The following NAGPA variants were observed in gnomAD, a reference collection of about 807,000 sequenced individuals.
NAGPA encodes alpha-N-acetylglucosaminyl phosphodiesterase.
NAGPA carries 56 observed loss-of-function variants against 48.5 expected under a neutral mutation model. The ratio of observed to expected loss-of-function variants is 1.15; its 90% CI spans 0.93 to 1.44. The LOEUF is 1.44. NAGPA is among the 40% of genes most tolerant of loss of function. NAGPA has a pLI of 0.00. For missense variants in NAGPA, 888 were observed against 735.0 expected (o/e 1.21, Z -2.41); for synonymous variants, 399 against 315.5 (o/e 1.26, Z -2.81).
intron 3 of NAGPA, chr16:5,030,795 C>T (rs998179682): frequency 1.3e-5 from 6 of 475,812 alleles, no homozygotes; most frequent in African/African-American, 9.8e-5. Context: ...CTCCTCCTGC[C>T]TCAGCTCCTG....
intron 4 of NAGPA, chr16:5,029,839 A>T (rs1956069381): frequency 6.1e-6 from 1 of 164,110 alleles, no homozygotes; most frequent in African/African-American, 2.4e-5. Flanking sequence ...TGGGAGGATC[A>T]CCTGAACCTG....
At position 5,031,752 on chromosome 16, in the gene NAGPA, C is replaced by T; in HGVS notation, c.675G>A (p.Gln225=). The T allele has an allele frequency of 1.2e-6, 2 of 1,614,118 alleles. No individual in the cohort carries two copies. The highest frequency in any genetic ancestry group is 1.7e-6 in the Non-Finnish European group (2 of 1,179,982). ...ESQATECDET[Q]ETGSFSKFVN... Reference sequence around the variant, plus strand: ...ACAGCCTCCCCATCCAACCTGTCTCCTGTGTCTCGTCACACTCTGTGGCTT... The same window carrying T: ...ACAGCCTCCCCATCCAACCTGTCTCTTGTGTCTCGTCACACTCTGTGGCTT... Residue 225 remains glutamine (Q), a synonymous_variant, in exon 3 of 10, where the codon CAG becomes CAA. Coordinates refer to ENST00000312251, the MANE Select transcript of NAGPA (RefSeq NM_016256.4).
At position 5,033,379 on chromosome 16, in the gene NAGPA, C is replaced by T. The variant is rs998668179; in HGVS notation, c.436G>A (p.Gly146Ser). 3.1e-6 allele frequency: 5 copies of T among 1,597,530 alleles called. No individual in the cohort carries two copies. In the South Asian group the frequency reaches 4.4e-5, roughly 14 times the overall value. ...CTCACCACGTTCCCCAGGCACTCGCCCGAGTTCATGCGGAAGAAGCCGCCG... is the reference window on the plus strand; with the variant it reads ...CTCACCACGTTCCCCAGGCACTCGCTCGAGTTCATGCGGAAGAAGCCGCCG... The part of the protein sequence containing the change: ...QNGGFFRMNS[G>S]ECLGNVVSDE... Residue 146 changes from glycine to serine, a missense_variant, in exon 2 of 10, where the codon GGC becomes AGC. Coordinates refer to ENST00000312251, the MANE Select transcript of NAGPA (RefSeq NM_016256.4). This position sits in a 1 kb window ranked among gnomAD's most constrained non-coding sequence, Gnocchi z 4.2.
In NAGPA at chr16:5,027,884, C is replaced by A; in HGVS notation, c.1136G>T (p.Arg379Leu). ...QHGLCTETGC[R>L]CDAGWTGSNC... ...GGACCCGGTCCATCCGGCATCACAG[C>A]GGCAGCCGGCTGCCGAGACAAGACC... The change falls in exon 7 of 10, where the codon CGC (arginine) becomes CTC (leucine). Residue 379 changes from arginine to leucine, a missense_variant. Physicochemically the swap from Arg to Leu is moderately radical, Grantham distance 102 (BLOSUM62 -2). Transcript: ENST00000312251. The A allele has an allele frequency of 6.3e-7, 1 of 1,586,540 alleles. No homozygotes were observed. The highest frequency in any genetic ancestry group is 8.6e-7 in the Non-Finnish European group (1 of 1,166,858).
chr16:5,033,276 G>T lies in NAGPA; in HGVS notation c.539C>A (p.Thr180Asn). 6.3e-7 allele frequency: 1 copy of T among 1,592,516 alleles called. No individual in the cohort carries two copies. The highest frequency in any genetic ancestry group is 8.5e-7 in the Non-Finnish European group (1 of 1,177,664). The change falls in exon 2 of 10, where the codon ACC becomes AAC. Residue 180 changes from threonine (T) to asparagine (N), a missense_variant. Thr to Asn is a moderately conservative substitution (Grantham distance 65). Transcript: ENST00000312251. This position sits in a 1 kb window ranked among gnomAD's most constrained non-coding sequence, Gnocchi z 4.2. ...ACGGGGCTCCCTGCCTCCTCACCCG[G>T]TGACCAGGGTCCCGTCGCGGCGGAT... Reference protein sequence around the residue: ...FGIRRDGTLVTGYLSEEEVLD... With the variant: ...FGIRRDGTLVNGYLSEEEVLD...
intron 6 of NAGPA, 34 bp from the exon 7 acceptor site, chr16:5,027,927 G>A: frequency 1.2e-6 from 2 of 1,612,616 alleles, no homozygotes; most frequent in African/African-American, 1.3e-5. Context: ...CCAGGTGAGG[G>A]CCTAGGGCAA....
Position 5,029,173 on chromosome 16 carries a change from C to T in NAGPA, c.792-165G>A, listed in dbSNP as rs772491671. The T allele has an allele frequency of 1.5e-5, 17 of 1,128,828 alleles. No homozygotes were observed. The African/African-American group carries it at 1.5e-4, about 10-fold the overall frequency. The allele number at this position is 1,128,828 out of a possible 1,614,324, so 69.9% of individuals were successfully genotyped here. A position where few individuals can be genotyped will look rare whatever the true frequency, so the allele number is the denominator to read the frequency against. On this transcript the variant is annotated intron_variant, in intron 4 of 9. Coordinates refer to ENST00000312251, the MANE Select transcript of NAGPA (RefSeq NM_016256.4). Reference sequence around the variant, plus strand: ...TCCTAGCCCCCGGAAGCTGTGAACACGTGAGATCACACCCATGCCTGTGCT... The same window carrying T: ...TCCTAGCCCCCGGAAGCTGTGAACATGTGAGATCACACCCATGCCTGTGCT...
intron 9 of NAGPA, among the ~76,000 whole-genome samples, chr16:5,026,631 G>A (rs954737258): frequency 9.9e-5 from 15 of 152,226 alleles, no homozygotes; most frequent in Non-Finnish European, 1.8e-4. Context: ...ATAAAACACA[G>A]CTGGATGCTG....
chr16:5,028,631 C>G (rs1956047183), intron 5 of NAGPA: 1 of 604,038 alleles, frequency 1.7e-6, no homozygotes, highest in Admixed American at 2.6e-5. Flanking sequence ...CTCTCCCACC[C>G]CCACCCAGCT....
chr16:5,032,847 C>A (rs1043393736), intron 2 of NAGPA: 10 of 232,444 alleles, frequency 4.3e-5, no homozygotes, highest in African/African-American at 2.1e-4. Flanking sequence ...CTTAGTGATT[C>A]ATCTTCAAGT....
chr16:5,025,110 G>A lies in NAGPA; in HGVS notation c.*368C>T, dbSNP rs1955971615. The A allele has an allele frequency of 6.6e-6, 2 of 302,594 alleles. No individual in the cohort carries two copies. Among genetic ancestry groups the A allele is most frequent in the African/African-American group, 2.1e-5 (1 of 47,346 alleles). 18.7% of individuals were successfully genotyped at this position (302,594 alleles called of 1,614,324 possible). A position where few individuals can be genotyped will look rare whatever the true frequency, so the allele number is the denominator to read the frequency against. On this transcript the variant is annotated 3_prime_UTR_variant, in exon 10 of 10. Transcript: ENST00000312251. ...CACTCCAGCCAGGGGTGCTGGCCAG[G>A]ATGTGCTGTTCTGTCATGACGTGGT...
Position 5,033,603 on chromosome 16 carries a change from G to C in NAGPA, c.212C>G (p.Pro71Arg), listed in dbSNP as rs758623566. 66 of 1,497,264 alleles carry C rather than the reference G, an allele frequency of 4.4e-5. No homozygotes were observed. Among genetic ancestry groups the C allele is most frequent in the Non-Finnish European group, 5.3e-5 (60 of 1,135,676 alleles). The allele number at this position is 1,497,264 out of a possible 1,614,324, so 92.7% of individuals were successfully genotyped here. ...GCGCACGGCCAGACCGCCGGCGCCGGGAGTCGCGGGAGGCGGAGGCCAACT... is the reference window on the plus strand; with the variant it reads ...GCGCACGGCCAGACCGCCGGCGCCGCGAGTCGCGGGAGGCGGAGGCCAACT... ...HESWPPPPAT[P>R]GAGGLAVRTF... The change falls in exon 2 of 10, where the codon CCC becomes CGC. Residue 71 changes from proline to arginine, a missense_variant. Coordinates refer to ENST00000312251, the MANE Select transcript of NAGPA (RefSeq NM_016256.4). The surrounding 1 kb of genome is among the most constrained non-coding windows in gnomAD (Gnocchi z 4.2).
In NAGPA at chr16:5,027,360, A is replaced by G. The variant is rs1277941484; in HGVS notation, c.1194T>C (p.His398=). ...NCSEECPLGW[H]GPGCQRPCKC... ...TACAAGGCCTCTGGCAGCCCGGCCC[A>G]TGCCAGCCAAGGGGACACTCTATGG... The change falls in exon 8 of 10, where the codon CAT becomes CAC. Residue 398 remains histidine, a synonymous_variant. Transcript: ENST00000312251. 6.2e-7 allele frequency: 1 copy of G among 1,613,950 alleles called. No individual in the cohort carries two copies. The highest frequency in any genetic ancestry group is 2.2e-5 in the East Asian group (1 of 44,822).
At position 5,029,023 on chromosome 16, in the gene NAGPA, G is replaced by T; in HGVS notation, c.792-15C>A. On this transcript the variant is annotated splice_polypyrimidine_tract_variant and intron_variant, in intron 4 of 9. Coordinates refer to ENST00000312251, the MANE Select transcript of NAGPA (RefSeq NM_016256.4). ...ACAGGTTGATGCTGCGGCACAAAGC[G>T]GCGCTGCTCAGGCTCAGCGCCCACC... 2 of 1,612,132 alleles carry T rather than the reference G, an allele frequency of 1.2e-6. No homozygotes were observed. Among genetic ancestry groups the T allele is most frequent in the South Asian group, 1.1e-5 (1 of 91,084 alleles).
chr16:5,025,495 T>C lies in NAGPA; in HGVS notation c.1531A>G (p.Asn511Asp). Reference protein sequence around the residue: ...AEKEQPGGAHNPFKD With the variant: ...AEKEQPGGAHDPFKD ...TTGAGGCTTCAGTCCTTGAAGGGGT[T>C]GTGGGCGCCCCCTGGCTGCTCCTTC... Residue 511 changes from asparagine to aspartate, a missense_variant, in exon 10 of 10, where the codon AAC becomes GAC. Physicochemically the swap from Asn to Asp is conservative, Grantham distance 23. Coordinates refer to ENST00000312251, the MANE Select transcript of NAGPA (RefSeq NM_016256.4). The C allele has an allele frequency of 1.9e-6, 3 of 1,612,242 alleles. No homozygotes were observed.
chr16:5,032,775 G>C (rs1596669051), intron 2 of NAGPA, among the ~76,000 whole-genome samples: 1 of 151,868 alleles, frequency 6.6e-6, no homozygotes, highest in East Asian at 1.9e-4. Context: ...GAGCCTCTGA[G>C]CCTTTGTGCG....
chr16:5,027,921 G>GT, intron 6 of NAGPA, 28 bp from the exon 7 acceptor site: 1 of 1,611,802 alleles, frequency 6.2e-7, no homozygotes, highest in Non-Finnish European at 8.5e-7. Context: ...GGGAGGCCAG[G>GT]TGAGGGCCTA....
In NAGPA at chr16:5,028,909, C is replaced by A. The variant is rs766350518; in HGVS notation, c.891G>T (p.Gly297=). ...GATCTGACGGGTAACTGGCCAAGGT[C>A]CCGTTGAGCACAAAGGTGGCAGAGC... ...GGGSATFVLN[G]TLASYPSDHC... is the part of the protein sequence containing the mutation. The change falls in exon 5 of 10, where the codon GGG becomes GGT. Residue 297 remains glycine, a synonymous_variant. Coordinates refer to ENST00000312251, the MANE Select transcript of NAGPA (RefSeq NM_016256.4). 1 of 1,614,076 alleles carries A rather than the reference C, an allele frequency of 6.2e-7. No homozygotes were observed. The highest frequency in any genetic ancestry group is 1.1e-5 in the South Asian group (1 of 91,082).
chr16:5,031,453 C>G, intron 3 of NAGPA: 2 of 392,132 alleles, frequency 5.1e-6, no homozygotes, highest in Non-Finnish European at 4.8e-6. Flanking sequence ...ATTTTTTTCT[C>G]TTCACTTTTC....
Sources: gnomAD v4.1 joint callset for allele counts (sites outside exome capture counted in the v4.1 genomes callset) on GRCh38, gnomAD v4.1.1 for gene constraint, Gnocchi (gnomAD v3.1) non-coding constraint, MANE v1.5 for transcripts, NCBI Gene and HGNC (gene_info 2026-07-23, HGNC 2026-07-21) for gene names.